Variants in ENPEP observed in about 807,000 individuals in gnomAD.
The protein encoded by ENPEP is AP-A.
A neutral mutation model predicts 114.5 loss-of-function variants in ENPEP; 103 were observed. That is an observed-to-expected ratio of 0.90 (90% confidence interval 0.77 to 1.06). ENPEP has a LOEUF of 1.06. ENPEP is among the 50% of genes least tolerant of loss of function. The pLI is 0.00. For missense variants in ENPEP, 1,196 were observed against 1,161.3 expected (o/e 1.03, Z -0.43); for synonymous variants, 420 against 422.0 (o/e 1.00, Z 0.06).
At chr4:110,518,900 A>G (rs1316456017) in intron 8 of ENPEP, 2 of 315,710 alleles carry the variant, frequency 6.3e-6, no homozygotes, top group Admixed American at 3.7e-5. Flanking sequence ...TGTCATCAAA[A>G]CACAGCTATG....
chr4:110,532,615 C>G (rs563736345), intron 11 of ENPEP, among the ~76,000 whole-genome samples: 1 of 151,406 alleles, frequency 6.6e-6, no homozygotes, highest in Non-Finnish European at 1.5e-5. Flanking sequence ...CACCTTTGGG[C>G]CTTTTAAAAA....
intron 17 of ENPEP, 135 bp from the exon 18 acceptor site, chr4:110,553,180 C>G (rs1727350525): frequency 1.4e-6 from 1 of 721,768 alleles, no homozygotes. Context: ...CATCATTTGT[C>G]ATATTTAATT....
chr4:110,536,258 G>T (rs1726620955), intron 11 of ENPEP, among the ~76,000 whole-genome samples: 2 of 152,148 alleles, frequency 1.3e-5, no homozygotes, highest in Admixed American at 6.6e-5. Context: ...ATAGTGGTTT[G>T]GTGCAATAAA....
At chr4:110,550,997 T>G (rs775313396) in intron 17 of ENPEP, among the ~76,000 whole-genome samples, 1 of 151,142 alleles carries the variant, frequency 6.6e-6, no homozygotes, top group Non-Finnish European at 1.5e-5. Context: ...CTCATGCCTA[T>G]AATCCCAGCA....
chr4:110,501,462 G>A (rs1308377871), intron 3 of ENPEP, among the ~76,000 whole-genome samples: 1 of 152,080 alleles, frequency 6.6e-6, no homozygotes, highest in African/African-American at 2.4e-5. Flanking sequence ...AGGCCTTGAT[G>A]TCTATTGCTT....
At chr4:110,495,156 A>T (rs939131539) in intron 3 of ENPEP, among the ~76,000 whole-genome samples, 2 of 152,198 alleles carry the variant, frequency 1.3e-5, no homozygotes, top group Admixed American at 6.5e-5. Flanking sequence ...TCCCCATTGG[A>T]ATTTATTGCA....
intron 8 of ENPEP, chr4:110,519,040 C>G (rs1049136882): frequency 4.4e-6 from 2 of 454,970 alleles, no homozygotes; most frequent in African/African-American, 4.0e-5. Context: ...TAATGAATAC[C>G]TAAAAGTGAT....
In ENPEP at chr4:110,520,284, G is replaced by C. The variant is rs146261286; in HGVS notation, c.1645G>C (p.Val549Leu). 1 of 1,613,912 alleles carries C rather than the reference G, an allele frequency of 6.2e-7. No homozygotes were observed. Among genetic ancestry groups the C allele is most frequent in the African/African-American group, 1.3e-5 (1 of 75,022 alleles). ...TRQMGYPVLN[V>L]NGVKNITQKR... ...ACAGATGGGTTATCCTGTGCTTAAC[G>C]TGAACGGTGTCAAGAACATCACACA... The change falls in exon 10 of 20, where the codon GTG (valine) becomes CTG (leucine). Residue 549 changes from valine to leucine, a missense_variant. By Grantham distance (32) the Val-to-Leu change is conservative. Transcript: ENST00000265162.
intron 11 of ENPEP, among the ~76,000 whole-genome samples, chr4:110,535,346 G>C (rs1726572490): frequency 6.6e-6 from 1 of 152,100 alleles, no homozygotes; most frequent in Non-Finnish European, 1.5e-5. Flanking sequence ...AAACATCTGT[G>C]ATAATTATAC....
intron 13 of ENPEP, among the ~76,000 whole-genome samples, chr4:110,543,421 A>T (rs751483776): frequency 6.6e-6 from 1 of 152,104 alleles, no homozygotes; most frequent in Non-Finnish European, 1.5e-5. Flanking sequence ...AATGTATTTT[A>T]TTAATTCAGT....
chr4:110,519,033 T>C (rs1010986675), intron 8 of ENPEP: 2 of 453,034 alleles, frequency 4.4e-6, no homozygotes, highest in Admixed American at 4.7e-5. Flanking sequence ...CTTTCTGTAA[T>C]GAATACCTAA....
At chr4:110,535,432 T>G (rs1726576561) in intron 11 of ENPEP, among the ~76,000 whole-genome samples, 1 of 152,220 alleles carries the variant, frequency 6.6e-6, no homozygotes, top group Non-Finnish European at 1.5e-5. Context: ...ACTTTCTTCA[T>G]TTTTTCAAGC....
chr4:110,479,026 A>G (rs751338640), intron 1 of ENPEP, among the ~76,000 whole-genome samples: 5 of 152,240 alleles, frequency 3.3e-5, no homozygotes, highest in Non-Finnish European at 7.3e-5. Flanking sequence ...CGTTTATTGA[A>G]GGAAACTCAG....
At chr4:110,532,213 TCATC>T (rs1331489066) in intron 11 of ENPEP, among the ~76,000 whole-genome samples, 1 of 152,168 alleles carries the variant, frequency 6.6e-6, no homozygotes, top group Non-Finnish European at 1.5e-5. Flanking sequence ...AGATGTGTAA[TCATC>T]ACCACAGTCA....
At chr4:110,479,094 T>C (rs1217166816) in intron 1 of ENPEP, among the ~76,000 whole-genome samples, 1 of 152,238 alleles carries the variant, frequency 6.6e-6, no homozygotes, top group East Asian at 1.9e-4. Context: ...TACCCAAGTA[T>C]AGCCATTGTT....
intron 18 of ENPEP, among the ~76,000 whole-genome samples, chr4:110,558,876 G>A (rs555755930): frequency 5.3e-5 from 8 of 152,166 alleles, no homozygotes; most frequent in Non-Finnish European, 7.3e-5. Flanking sequence ...TCTCTGCTTA[G>A]GCAGACTGAT....
intron 10 of ENPEP, among the ~76,000 whole-genome samples, chr4:110,530,530 G>A (rs1726370597): frequency 6.6e-6 from 1 of 152,096 alleles, no homozygotes; most frequent in African/African-American, 2.4e-5. Flanking sequence ...AGACAAAACT[G>A]TTAAGTGTAT....
chr4:110,537,966 T>C (rs1275554707), intron 11 of ENPEP, among the ~76,000 whole-genome samples: 2 of 152,206 alleles, frequency 1.3e-5, no homozygotes, highest in Non-Finnish European at 2.9e-5. Flanking sequence ...GCATAAAATA[T>C]TCAGTAAACC....
At chr4:110,480,231 C>T (rs1015045908) in intron 1 of ENPEP, among the ~76,000 whole-genome samples, 19 of 152,338 alleles carry the variant, frequency 1.2e-4, no homozygotes, top group Admixed American at 1.0e-3. Flanking sequence ...ACAGATCTGG[C>T]GTCAGCTCAA....
Sources: gnomAD v4.1 joint callset for allele counts (sites outside exome capture counted in the v4.1 genomes callset) on GRCh38, gnomAD v4.1.1 for gene constraint, MANE v1.5 for transcripts, NCBI Gene and HGNC (gene_info 2026-07-23, HGNC 2026-07-21) for gene names.